Variants in KHDRBS2 observed in about 807,000 individuals in gnomAD.
KHDRBS2 encodes the protein KH domain-containing, RNA-binding, signal transduction-associated protein 2.
In KHDRBS2, 26 loss-of-function variants were observed where a neutral mutation model predicts 44.3. The ratio of observed to expected loss-of-function variants is 0.59; its 90% CI spans 0.43 to 0.81. The LOEUF (loss-of-function observed/expected upper bound fraction) is 0.81, where lower values mean the gene tolerates loss of function less well. Ranked by LOEUF, KHDRBS2 falls within the 40% of genes least tolerant of loss-of-function variation. The pLI is 0.00. For missense variants in KHDRBS2, 476 were observed against 433.1 expected, an observed-to-expected ratio of 1.10 and a Z score of -0.88; for synonymous variants, 194 against 151.1, an observed-to-expected ratio of 1.28 and a Z score of -2.08.
intron 6 of KHDRBS2, among the ~76,000 whole-genome samples, chr6:61,810,589 TG>T (rs1425312257): frequency 4.6e-5 from 7 of 151,928 alleles, no homozygotes; most frequent in Non-Finnish European, 7.4e-5. Flanking sequence ...TATATTAGAA[TG>T]AAAAAAAATA....
chr6:62,000,581 T>G (rs1255995627), intron 3 of KHDRBS2, among the ~76,000 whole-genome samples: 4 of 152,196 alleles, frequency 2.6e-5, no homozygotes, highest in Admixed American at 2.0e-4. Context: ...AGTGTTCTTG[T>G]AAGTGGTCAA....
chr6:61,739,542 C>T (rs924604401), intron 6 of KHDRBS2, among the ~76,000 whole-genome samples: 22 of 151,822 alleles, frequency 1.4e-4, no homozygotes, highest in Admixed American at 1.3e-4. Context: ...TTTTGATATG[C>T]TGGAAGAATA....
chr6:61,893,602 A>G (rs1362707703), intron 6 of KHDRBS2, among the ~76,000 whole-genome samples: 2 of 152,152 alleles, frequency 1.3e-5, no homozygotes, highest in Non-Finnish European at 2.9e-5. Flanking sequence ...CTTTGTAGGG[A>G]CATGGATGAA....
At chr6:61,918,856 A>G (rs1418341030) in intron 4 of KHDRBS2, among the ~76,000 whole-genome samples, 2 of 151,960 alleles carry the variant, frequency 1.3e-5, no homozygotes, top group Non-Finnish European at 2.9e-5. Flanking sequence ...TTAGCTGTCT[A>G]ATGAATTGAG....
the KHDRBS2 span, among the ~76,000 whole-genome samples, chr6:61,632,206 T>G: frequency 6.6e-6 from 1 of 152,108 alleles, no homozygotes; most frequent in African/African-American, 2.4e-5. Flanking sequence ...CAAAATAAAT[T>G]TTGATATACC....
intron 3 of KHDRBS2, among the ~76,000 whole-genome samples, chr6:62,042,295 G>T (rs564858131): frequency 2.2e-4 from 33 of 152,164 alleles, no homozygotes; most frequent in Admixed American, 5.2e-4. Flanking sequence ...AAACACAAAT[G>T]ATATTTAAGC....
the KHDRBS2 span, among the ~76,000 whole-genome samples, chr6:61,655,042 C>A: frequency 2.4e-4 from 37 of 151,798 alleles, no homozygotes; most frequent in African/African-American, 8.7e-4. Flanking sequence ...GGGGTCAGAT[C>A]TCCCTCCCGC....
downstream of KHDRBS2, among the ~76,000 whole-genome samples, chr6:61,676,924 T>C (rs572176336): frequency 6.6e-6 from 1 of 151,872 alleles, no homozygotes; most frequent in African/African-American, 2.4e-5. Flanking sequence ...GTAGAAGTCT[T>C]TTATATCTAC....
chr6:62,036,019 T>C (rs1033137591), intron 3 of KHDRBS2, among the ~76,000 whole-genome samples: 1 of 151,922 alleles, frequency 6.6e-6, no homozygotes, highest in Admixed American at 6.6e-5. Flanking sequence ...AAAAGAATAT[T>C]CCAGGCTCTA....
chr6:62,146,837 G>A (rs752388277), intron 2 of KHDRBS2, among the ~76,000 whole-genome samples: 4 of 151,776 alleles, frequency 2.6e-5, no homozygotes, highest in Non-Finnish European at 5.9e-5. Flanking sequence ...CTTTTGATAT[G>A]TCACCAGACA....
chr6:61,610,447 C>T, the KHDRBS2 span, among the ~76,000 whole-genome samples: 12 of 151,934 alleles, frequency 7.9e-5, no homozygotes, highest in Non-Finnish European at 1.8e-4. Context: ...ATTTGGGAGC[C>T]TTTTATCTGG....
At chr6:61,988,635 C>T (rs1775523970) in intron 3 of KHDRBS2, among the ~76,000 whole-genome samples, 1 of 152,148 alleles carries the variant, frequency 6.6e-6, no homozygotes, top group Admixed American at 6.6e-5. Context: ...TGTAAGTGTA[C>T]TAGTTCTCCC....
At chr6:61,593,474 G>GT in the KHDRBS2 span, among the ~76,000 whole-genome samples, 6,028 of 146,396 alleles carry the variant, frequency 0.041, 142 homozygotes, top group South Asian at 0.11. Context: ...TGTACTATAG[G>GT]TTTTTTTTTT....
chr6:61,814,695 G>A (rs1170534269), intron 6 of KHDRBS2, among the ~76,000 whole-genome samples: 1 of 152,112 alleles, frequency 6.6e-6, no homozygotes, highest in Non-Finnish European at 1.5e-5. Context: ...GTTTGTTTGG[G>A]TTCAAATGAG....
the KHDRBS2 span, among the ~76,000 whole-genome samples, chr6:61,621,346 T>C: frequency 6.6e-6 from 1 of 152,210 alleles, no homozygotes; most frequent in Non-Finnish European, 1.5e-5. Context: ...TATTGACTCC[T>C]GTAAAGGGAA....
rs573775771 is a variant in KHDRBS2, at chr6:62,244,622, C to CT, written c.91+41235dup. ...TTTTTTTTTCATTTTTCAACATCTT[C>CT]TTTTTAGGCAGGTGAATTGAGTCAC... On this transcript the variant is annotated intron_variant, in intron 1 of 8. Transcript: ENST00000281156. Among the ~76,000 whole-genome samples the CT allele has an allele frequency of 8.2e-4, 124 of 152,080 alleles. 2 individuals are homozygous for CT. The highest frequency in any genetic ancestry group is 8.1e-3 in the Admixed American group (124 of 15,240).
chr6:61,869,104 A>T (rs1184051890), intron 6 of KHDRBS2, among the ~76,000 whole-genome samples: 1 of 151,450 alleles, frequency 6.6e-6, no homozygotes, highest in African/African-American at 2.4e-5. Flanking sequence ...CGTCCACATT[A>T]CTCCTGGGAA....
chr6:61,780,890 G>A (rs1782831563), intron 6 of KHDRBS2, among the ~76,000 whole-genome samples: 1 of 152,122 alleles, frequency 6.6e-6, no homozygotes, highest in African/African-American at 2.4e-5. Flanking sequence ...AAACCAGTTT[G>A]TGTTTTCTCA....
chr6:61,860,479 T>A (rs1373239873), intron 6 of KHDRBS2, among the ~76,000 whole-genome samples: 1 of 152,126 alleles, frequency 6.6e-6, no homozygotes, highest in East Asian at 1.9e-4. Context: ...GTATTTGTTT[T>A]TCTGTTCCTG....
Sources: allele counts gnomAD v4.1 joint callset (sites outside exome capture counted in the v4.1 genomes callset), GRCh38; gene constraint gnomAD v4.1.1; transcripts MANE v1.5; gene names NCBI Gene and HGNC (gene_info 2026-07-23, HGNC 2026-07-21).